Variants in CACNA1C observed in about 807,000 individuals in gnomAD.
The protein encoded by CACNA1C is voltage-dependent L-type calcium channel subunit alpha-1C.
CACNA1C carries 30 observed loss-of-function variants against 229.0 expected under a neutral mutation model. That is an observed-to-expected ratio of 0.13 (90% CI 0.10 to 0.18). The LOEUF (loss-of-function observed/expected upper bound fraction) is 0.18, where lower values mean the gene tolerates loss of function less well. CACNA1C is among the 10% of genes least tolerant of loss of function. CACNA1C has a pLI of 1.00. For synonymous variants in CACNA1C, 1,114 were observed against 1,132.5 expected (o/e 0.98, Z 0.33); for missense variants, 1,658 against 2,845.0 (o/e 0.58, Z 9.49).
Position 2,575,435 on chromosome 12 carries a change from T to C in CACNA1C, c.1896-6155T>C, listed in dbSNP as rs148682730. 1.9e-3 allele frequency among the ~76,000 whole-genome samples: 292 copies of C among 152,244 alleles called. 1 individual carries two copies. The highest frequency in any genetic ancestry group is 6.8e-3 in the African/African-American group (281 of 41,540). ...GTGTCTTAAGGGGCTGGGGCTCAAT[T>C]TGACGGAAGCTCTGCTCTGAGGACA... On this transcript the variant is annotated intron_variant, in intron 13 of 46. Coordinates refer to ENST00000399655, the MANE Select transcript of CACNA1C (RefSeq NM_000719.7). The surrounding 1 kb of genome is among the most constrained non-coding windows in gnomAD (Gnocchi z 4.0).
At chr12:2,341,642 G>C (rs1458291896) in intron 3 of CACNA1C, among the ~76,000 whole-genome samples, 1 of 152,220 alleles carries the variant, frequency 6.6e-6, no homozygotes, top group Non-Finnish European at 1.5e-5. Flanking sequence ...TTGTGGGTTT[G>C]TCCTCTGTTT....
At chr12:2,583,014 C>A in intron 15 of CACNA1C, 72 bp downstream of exon 15, 1 of 1,175,340 alleles carries the variant, frequency 8.5e-7, no homozygotes, top group Non-Finnish European at 1.2e-6. Context: ...CAAACGGGCA[C>A]GCCCCTCAGG....
At chr12:2,379,382 A>G (rs1160424786) in intron 3 of CACNA1C, among the ~76,000 whole-genome samples, 2 of 152,084 alleles carry the variant, frequency 1.3e-5, no homozygotes, top group Non-Finnish European at 2.9e-5. Flanking sequence ...ATATCCCTTT[A>G]TCGGTTTTCT....
At chr12:2,475,502 G>C (rs778798144) in intron 5 of CACNA1C, among the ~76,000 whole-genome samples, 14 of 152,240 alleles carry the variant, frequency 9.2e-5, no homozygotes, top group Non-Finnish European at 2.1e-4. Flanking sequence ...ATCAAAGACA[G>C]GACTGGTAAT....
intron 3 of CACNA1C, among the ~76,000 whole-genome samples, chr12:2,216,060 C>T (rs2059895132): frequency 6.6e-6 from 1 of 152,192 alleles, no homozygotes; most frequent in Non-Finnish European, 1.5e-5. Flanking sequence ...AACCCCATCA[C>T]AAAAGAAAAT....
At chr12:2,476,118 C>T (rs1292746807) in intron 5 of CACNA1C, among the ~76,000 whole-genome samples, 2 of 152,172 alleles carry the variant, frequency 1.3e-5, no homozygotes, top group Admixed American at 1.3e-4. Flanking sequence ...CAGTTTGCCA[C>T]CAATAGGGAG....
chr12:2,509,607 G>A (rs189095896), intron 8 of CACNA1C, among the ~76,000 whole-genome samples: 2 of 152,312 alleles, frequency 1.3e-5, no homozygotes, highest in East Asian at 3.9e-4. Context: ...CTTATTTAAT[G>A]CACGTGTTTT....
At position 2,298,655 on chromosome 12, in the gene CACNA1C, G is replaced by A. The variant is rs149356299; in HGVS notation, c.478-150321G>A. 9.6e-4 allele frequency among the ~76,000 whole-genome samples: 146 copies of A among 152,306 alleles called. 1 individual carries two copies. Among genetic ancestry groups the A allele is most frequent in the Non-Finnish European group, 4.1e-4 (28 of 68,032 alleles). Reference sequence around the variant, plus strand: ...ACAGATTTGGTTTATGTCTGCCCTGGCATTCAGAAGGTGACAAGTGGAGCC... The same window carrying A: ...ACAGATTTGGTTTATGTCTGCCCTGACATTCAGAAGGTGACAAGTGGAGCC... On this transcript the variant is annotated intron_variant, in intron 3 of 46. Transcript: ENST00000399655.
At chr12:2,251,899 G>A (rs577172282) in intron 3 of CACNA1C, among the ~76,000 whole-genome samples, 1 of 152,304 alleles carries the variant, frequency 6.6e-6, no homozygotes, top group East Asian at 1.9e-4. Context: ...TTCTGCATCT[G>A]TTAAGAGGGC....
At chr12:2,020,116 A>C (rs61908045) in intron 1 of CACNA1C, 2 of 152,154 alleles carry the variant, frequency 1.3e-5, no homozygotes, top group Admixed American at 1.3e-4. Context: ...TTGGAAACTG[A>C]AGGAGGCAAG....
intron 42 of CACNA1C, chr12:2,681,960 G>A (rs1399708219): frequency 6.3e-6 from 10 of 1,599,968 alleles, no homozygotes; most frequent in African/African-American, 2.7e-5. Flanking sequence ...GGAAAGGCAC[G>A]TTCCGATGTG....
At chr12:2,662,622 G>A (rs1257597576) in intron 34 of CACNA1C, among the ~76,000 whole-genome samples, 1 of 152,164 alleles carries the variant, frequency 6.6e-6, no homozygotes, top group Non-Finnish European at 1.5e-5. Flanking sequence ...TATTCACAGA[G>A]GCTGAAACTG....
At chr12:2,356,214 G>GA (rs1479758712) in intron 3 of CACNA1C, among the ~76,000 whole-genome samples, 1 of 152,226 alleles carries the variant, frequency 6.6e-6, no homozygotes, top group African/African-American at 2.4e-5. Context: ...GGATGAGAGT[G>GA]AAAATTGAAA....
chr12:2,183,174 C>T (rs78788892), intron 3 of CACNA1C, among the ~76,000 whole-genome samples: 1 of 151,990 alleles, frequency 6.6e-6, no homozygotes, highest in Non-Finnish European at 1.5e-5. Context: ...TGCCCAGCCC[C>T]CTGACGTGAT....
At chr12:2,188,306 T>C (rs1039311427) in intron 3 of CACNA1C, among the ~76,000 whole-genome samples, 1 of 152,238 alleles carries the variant, frequency 6.6e-6, no homozygotes, top group Non-Finnish European at 1.5e-5. Flanking sequence ...TGTTGAGTTT[T>C]ATTAAGAATA....
intron 1 of CACNA1C, among the ~76,000 whole-genome samples, chr12:2,066,936 TGAG>T (rs1276883536): frequency 4.0e-5 from 6 of 151,494 alleles, no homozygotes; most frequent in African/African-American, 1.5e-4. Flanking sequence ...GGCCTGAGCT[TGAG>T]GAGACCGGAA....
At chr12:2,289,646 C>T (rs1193472308) in intron 3 of CACNA1C, among the ~76,000 whole-genome samples, 1 of 151,972 alleles carries the variant, frequency 6.6e-6, no homozygotes, top group African/African-American at 2.4e-5. Context: ...ACGCCCTCAC[C>T]GAGACTTGTG....
Position 2,053,491 on chromosome 12 carries a change from G to T in CACNA1C, c.-72G>T. 2 of 1,536,368 alleles carry T rather than the reference G, an allele frequency of 1.3e-6. No individual in the cohort carries two copies. The highest frequency in any genetic ancestry group is 2.0e-5 in the Admixed American group (1 of 49,524). ...CGGCCTCGGAGGAGGGATTAATCCA[G>T]ACCCGCCGGGGGGTGTTTTCACATT... On this transcript the variant is annotated 5_prime_UTR_variant, in exon 1 of 47. Transcript: ENST00000399655. This position sits in a 1 kb window ranked among gnomAD's most constrained non-coding sequence, Gnocchi z 5.8.
In CACNA1C at chr12:2,053,370, T is replaced by C. The variant is rs550080643; in HGVS notation, c.-193T>C. The C allele has an allele frequency of 4.4e-6, 6 of 1,366,262 alleles. No individual in the cohort carries two copies. In the African/African-American group the frequency reaches 7.4e-5, roughly 17 times the overall value. The allele number at this position is 1,366,262 out of a possible 1,614,324, so 84.6% of individuals were successfully genotyped here. A position where few individuals can be genotyped will look rare whatever the true frequency, so the allele number is the denominator to read the frequency against. The stretch of plus-strand genomic sequence containing the variant: ...AGGCAGTAGTGGAAAGGAGCAGTTT[T>C]TGGGGTTTGATGCCATAATGGGAAT... On this transcript the variant is annotated 5_prime_UTR_variant, in exon 1 of 47. Transcript: ENST00000399655. This position sits in a 1 kb window ranked among gnomAD's most constrained non-coding sequence, Gnocchi z 5.8.
Sources: gnomAD v4.1 joint callset for allele counts (sites outside exome capture counted in the v4.1 genomes callset) on GRCh38, gnomAD v4.1.1 for gene constraint, Gnocchi (gnomAD v3.1) non-coding constraint, MANE v1.5 for transcripts, NCBI Gene and HGNC (gene_info 2026-07-23, HGNC 2026-07-21) for gene names.